HSPB2: variants seen among roughly 807,000 people sequenced by gnomAD.
The protein encoded by HSPB2 is heat shock protein family B (small) member 2.
A neutral mutation model predicts 14.1 loss-of-function variants in HSPB2; 14 were observed. That is an observed-to-expected ratio of 0.99 (90% CI 0.66 to 1.55). HSPB2 has a LOEUF of 1.55. Among genes scored for constraint, HSPB2 ranks in the 40% most tolerant of loss-of-function variants. The pLI is 0.00. For missense variants in HSPB2, 242 were observed against 241.7 expected, an observed-to-expected ratio of 1.00 and a Z score of -0.01; for synonymous variants, 110 against 103.4, an observed-to-expected ratio of 1.06 and a Z score of -0.39.
chr11:111,913,946 A>T lies in HSPB2; in HGVS notation c.*51A>T. The T allele has an allele frequency of 1.8e-5, 26 of 1,425,142 alleles. No homozygotes were observed. Among genetic ancestry groups the T allele is most frequent in the Non-Finnish European group, 2.3e-5 (24 of 1,046,734 alleles). The allele number at this position is 1,425,142 out of a possible 1,614,324, so 88.3% of individuals were successfully genotyped here. ...ATCCCTCTCTACCTCCCAAGGTGAT[A>T]TGGGCAGCTGCCCACCACTCCAGAG... On this transcript the variant is annotated 3_prime_UTR_variant, in exon 2 of 2. Coordinates refer to ENST00000304298, the MANE Select transcript of HSPB2 (RefSeq NM_001541.4).
Position 111,912,755 on chromosome 11 carries a change from C to T in HSPB2, c.-75C>T. The T allele has an allele frequency of 1.7e-6, 2 of 1,191,444 alleles. No individual in the cohort carries two copies. Among genetic ancestry groups the T allele is most frequent in the Non-Finnish European group, 2.4e-6 (2 of 837,222 alleles). The allele number at this position is 1,191,444 out of a possible 1,614,324, so 73.8% of individuals were successfully genotyped here. A position where few individuals can be genotyped will look rare whatever the true frequency, so the allele number is the denominator to read the frequency against. On this transcript the variant is annotated 5_prime_UTR_variant, in exon 1 of 2. Coordinates refer to ENST00000304298, the MANE Select transcript of HSPB2 (RefSeq NM_001541.4). ...CCACCTCCTATCGAGCCCTGGCTCT[C>T]CGGGCAGCTGGAGGGGTCGCGCTGC...
rs1965557337 is a variant in HSPB2 at position 111,914,033 on chromosome 11, G to A, written c.*138G>A. ...TCCACAATGTATGGTTTGGTCCCAT[G>A]GGACATGTCATAGCCTTGGTTTAGT... On this transcript the variant is annotated 3_prime_UTR_variant, in exon 2 of 2. Transcript: ENST00000304298. 3.8e-6 allele frequency: 3 copies of A among 787,332 alleles called. No individual in the cohort carries two copies. Among genetic ancestry groups the A allele is most frequent in the Admixed American group, 5.8e-5 (2 of 34,218 alleles). 48.8% of individuals were successfully genotyped at this position (787,332 alleles called of 1,614,324 possible).
In HSPB2 at chr11:111,913,982, C is replaced by A; in HGVS notation, c.*87C>A. The A allele has an allele frequency of 1.7e-6, 2 of 1,169,012 alleles. No homozygotes were observed. Among genetic ancestry groups the A allele is most frequent in the Non-Finnish European group, 2.4e-6 (2 of 833,840 alleles). 72.4% of individuals were successfully genotyped at this position (1,169,012 alleles called of 1,614,324 possible). On this transcript the variant is annotated 3_prime_UTR_variant, in exon 2 of 2. Coordinates refer to ENST00000304298, the MANE Select transcript of HSPB2 (RefSeq NM_001541.4). ...CCCACCACTCCAGAGGTAGCAGCAT[C>A]CTTGGGGGAAGGGAAAGGTGCATGG...
rs1555165945 is a variant in HSPB2, at chr11:111,913,996, A to C, written c.*101A>C. ...GGTAGCAGCATCCTTGGGGGAAGGG[A>C]AAGGTGCATGGTCCACAATGTATGG... is the stretch of plus-strand genomic sequence containing the variant. On this transcript the variant is annotated 3_prime_UTR_variant, in exon 2 of 2. Transcript: ENST00000304298. 3.9e-6 allele frequency: 4 copies of C among 1,025,762 alleles called. No homozygotes were observed. The highest frequency in any genetic ancestry group is 5.6e-6 in the Non-Finnish European group (4 of 711,748). 63.5% of individuals were successfully genotyped at this position (1,025,762 alleles called of 1,614,324 possible). A position where few individuals can be genotyped will look rare whatever the true frequency, so the allele number is the denominator to read the frequency against.
intron 1 of HSPB2, 188 bp downstream of exon 1, chr11:111,913,111 A>G: frequency 1.6e-6 from 1 of 625,894 alleles, no homozygotes; most frequent in Non-Finnish European, 2.9e-6. Context: ...TGACCTCAAG[A>G]CACACTTGGT....
At position 111,913,817 on chromosome 11, in the gene HSPB2, C is replaced by G; in HGVS notation, c.471C>G (p.Val157=). The change falls in exon 2 of 2, where the codon GTC becomes GTG. Residue 157 remains valine, a synonymous_variant. Coordinates refer to ENST00000304298, the MANE Select transcript of HSPB2 (RefSeq NM_001541.4). ...PRGGRHLDTE[V]NEVYISLLPA... is the part of the protein sequence containing the mutation. ...GTGGCCGACATTTGGACACAGAGGTCAATGAGGTCTACATCTCCCTGCTCC... is the reference window on the plus strand; with the variant it reads ...GTGGCCGACATTTGGACACAGAGGTGAATGAGGTCTACATCTCCCTGCTCC... 6.2e-7 allele frequency: 1 copy of G among 1,614,172 alleles called. No homozygotes were observed. The highest frequency in any genetic ancestry group is 1.3e-5 in the African/African-American group (1 of 75,062).
chr11:111,913,001 C>G, intron 1 of HSPB2, 78 bp downstream of exon 1: 1 of 979,304 alleles, frequency 1.0e-6, no homozygotes. Context: ...CGTTGCTGGC[C>G]TCCACCCCAC....
At position 111,912,786 on chromosome 11, in the gene HSPB2, T is replaced by G; in HGVS notation, c.-44T>G. Reference sequence around the variant, plus strand: ...AGCTGGAGGGGTCGCGCTGCGCCTGTTGGGGCTGCACCTCGGACCAGGGCT... The same window carrying G: ...AGCTGGAGGGGTCGCGCTGCGCCTGGTGGGGCTGCACCTCGGACCAGGGCT... On this transcript the variant is annotated 5_prime_UTR_variant, in exon 1 of 2. Transcript: ENST00000304298. 3 of 1,441,964 alleles carry G rather than the reference T, an allele frequency of 2.1e-6. No individual in the cohort carries two copies. The highest frequency in any genetic ancestry group is 2.8e-6 in the Non-Finnish European group (3 of 1,058,242). The allele number at this position is 1,441,964 out of a possible 1,614,324, so 89.3% of individuals were successfully genotyped here.
intron 1 of HSPB2, 49 bp downstream of exon 1, chr11:111,912,972 T>G: frequency 8.8e-7 from 1 of 1,141,620 alleles, no homozygotes. Flanking sequence ...CCCCCTGAAA[T>G]TCTGGGCTGA....
chr11:111,912,948 G>GGGCCC, intron 1 of HSPB2, 25 bp downstream of exon 1: 1 of 1,352,840 alleles, frequency 7.4e-7, no homozygotes. Flanking sequence ...CCACCCCCTT[G>GGGCCC]CCCCCCACCC....
intron 1 of HSPB2, 121 bp downstream of exon 1, chr11:111,913,044 C>T: frequency 1.4e-6 from 1 of 716,046 alleles, no homozygotes; most frequent in Non-Finnish European, 2.5e-6. Context: ...GGACCAGCCA[C>T]CCCCCACCCC....
rs782030412 is a variant in HSPB2, at chr11:111,913,637, G to A, written c.291G>A (p.Leu97=). Residue 97 remains leucine (L), a synonymous_variant, in exon 2 of 2, where the codon CTG becomes CTA. Transcript: ENST00000304298. ...CTGTGAGGACTGTGGATAACCTGCT[G>A]GAGGTGTCTGCCCGGCACCCCCAGC... The part of the protein sequence containing the change: ...EVTVRTVDNL[L]EVSARHPQRL... 3 of 1,614,160 alleles carry A rather than the reference G, an allele frequency of 1.9e-6. No homozygotes were observed. Among genetic ancestry groups the A allele is most frequent in the Non-Finnish European group, 1.7e-6 (2 of 1,180,036 alleles).
At chr11:111,913,367 C>A in intron 1 of HSPB2, 74 bp from the exon 2 acceptor site, 1 of 1,184,916 alleles carries the variant, frequency 8.4e-7, no homozygotes, top group African/African-American at 1.5e-5. Context: ...CCCTCCTCTC[C>A]AGATTTCCCA....
At position 111,913,659 on chromosome 11, in the gene HSPB2, C is replaced by T. The variant is rs1965544642; in HGVS notation, c.313C>T (p.Gln105Ter). Residue 105 changes from glutamine to a stop codon, truncating the protein, a stop_gained, in exon 2 of 2, where the codon CAG becomes TAG. Transcript: ENST00000304298. LOFTEE classifies it high-confidence loss of function. ...NLLEVSARHP[Q>*]RLDRHGFVSR... ...GCTGGAGGTGTCTGCCCGGCACCCC[C>T]AGCGCCTGGACCGCCACGGCTTCGT... 1.2e-6 allele frequency: 2 copies of T among 1,614,068 alleles called. No homozygotes were observed. Among genetic ancestry groups the T allele is most frequent in the Non-Finnish European group, 1.7e-6 (2 of 1,180,046 alleles).
chr11:111,913,143 T>G (rs1193798523), intron 1 of HSPB2: 2 of 604,018 alleles, frequency 3.3e-6, no homozygotes, highest in East Asian at 2.8e-5. Flanking sequence ...TGATACCTGC[T>G]CTTTGCCGGC....
intron 1 of HSPB2, chr11:111,913,232 C>T (rs1367939890): frequency 3.4e-6 from 2 of 585,810 alleles, no homozygotes; most frequent in East Asian, 2.9e-5. Context: ...TCCTCCTTCT[C>T]CTCCTCCTCC....
rs587679193 is a variant in HSPB2 at position 111,913,737 on chromosome 11, C to G, written c.391C>G (p.Arg131Gly). The change falls in exon 2 of 2, where the codon CGA (arginine) becomes GGA (glycine). Residue 131 changes from arginine to glycine, a missense_variant. Arg to Gly is a moderately radical substitution (Grantham distance 125). Coordinates refer to ENST00000304298, the MANE Select transcript of HSPB2 (RefSeq NM_001541.4). The stretch of plus-strand genomic sequence containing the variant: ...CCTGCCTGCTGATGTCGACCCCTGG[C>G]GAGTCCGAGCTGCTCTCTCCCATGA... ...YVLPADVDPW[R>G]VRAALSHDGI... 2.5e-6 allele frequency: 4 copies of G among 1,614,134 alleles called. No homozygotes were observed. In the African/African-American group the frequency reaches 4.0e-5, roughly 16 times the overall value.
Position 111,913,704 on chromosome 11 carries a change from A to G in HSPB2, c.358A>G (p.Thr120Ala), listed in dbSNP as rs202246824. ...CTTCGTGTCCCGAGAGTTCTGCCGC[A>G]CCTATGTCCTGCCTGCTGATGTCGA... ...HGFVSREFCR[T>A]YVLPADVDPW... Residue 120 changes from threonine (T) to alanine (A), a missense_variant, in exon 2 of 2, where the codon ACC becomes GCC. Transcript: ENST00000304298. 429 of 1,613,696 alleles carry G rather than the reference A, an allele frequency of 2.7e-4. No individual in the cohort carries two copies. The highest frequency in any genetic ancestry group is 3.4e-4 in the Non-Finnish European group (402 of 1,179,976).
intron 1 of HSPB2, 190 bp from the exon 2 acceptor site, chr11:111,913,251 C>G (rs887558409): frequency 3.2e-6 from 2 of 630,740 alleles, no homozygotes; most frequent in African/African-American, 3.7e-5. Flanking sequence ...CCTCCCTTTC[C>G]TTTCCGTTCT....
Sources: gnomAD v4.1 joint callset for allele counts on GRCh38, gnomAD v4.1.1 for gene constraint, MANE v1.5 for transcripts, NCBI Gene and HGNC (gene_info 2026-07-23, HGNC 2026-07-21) for gene names.